RNF20: variants seen among roughly 807,000 people sequenced by gnomAD.
RNF20 encodes the protein ring finger protein 20.
Under a neutral mutation model 126.2 loss-of-function variants are expected in RNF20, and 84 were observed. The observed-to-expected ratio is 0.67, with a 90% CI of 0.56 to 0.80. The LOEUF is 0.80. Among genes scored for constraint, RNF20 ranks in the 30% least tolerant of loss-of-function variants. RNF20 has a pLI of 0.00. For synonymous variants in RNF20, 400 were observed against 414.3 expected (o/e 0.97, Z 0.42); for missense variants, 869 against 1,188.2 (o/e 0.73, Z 3.95).
At chr9:101,552,057 C>T in intron 11 of RNF20, 84 bp from the exon 12 acceptor site, 1 of 1,523,624 alleles carries the variant, frequency 6.6e-7, no homozygotes, top group Non-Finnish European at 9.0e-7. Flanking sequence ...TTTCTCAGTG[C>T]CTCCTGATGT....
Position 101,547,527 on chromosome 9 carries a change from G to T in RNF20, c.1092+9G>T. The T allele has an allele frequency of 6.2e-7, 1 of 1,613,596 alleles. No homozygotes were observed. The highest frequency in any genetic ancestry group is 8.5e-7 in the Non-Finnish European group (1 of 1,179,780). Reference sequence around the variant, plus strand: ...AAAATGAAAAGCTGAAGGTAGGAACGCATCCCTGAAGGGCAGTAAAATCAG... The same window carrying T: ...AAAATGAAAAGCTGAAGGTAGGAACTCATCCCTGAAGGGCAGTAAAATCAG... On this transcript the variant is annotated intron_variant, in intron 9 of 19. Coordinates refer to ENST00000389120, the MANE Select transcript of RNF20 (RefSeq NM_019592.7).
At position 101,563,313 on chromosome 9, in the gene RNF20, C is replaced by A. The variant is rs1350000428; in HGVS notation, c.*891C>A. ...TGTTTCTGTAGGACTTTGTTCTCCA[C>A]AAGCTTGAATTAAAGCAGGATTCAG... On this transcript the variant is annotated 3_prime_UTR_variant, in exon 20 of 20. Transcript: ENST00000389120. 1.3e-5 allele frequency: 2 copies of A among 152,638 alleles called. No homozygotes were observed. Among genetic ancestry groups the A allele is most frequent in the African/African-American group, 4.8e-5 (2 of 41,444 alleles). The allele number at this position is 152,638 out of a possible 1,614,324, so 9.5% of individuals were successfully genotyped here. A position where few individuals can be genotyped will look rare whatever the true frequency, so the allele number is the denominator to read the frequency against.
At chr9:101,544,950 C>G (rs1429027423) in intron 6 of RNF20, 65 bp downstream of exon 6, 33 of 985,424 alleles carry the variant, frequency 3.3e-5, no homozygotes, top group African/African-American at 4.8e-5. Flanking sequence ...ACTTACAATT[C>G]TGAGCACCTC....
chr9:101,557,680 G>T, intron 16 of RNF20, 84 bp downstream of exon 16: 1 of 1,101,772 alleles, frequency 9.1e-7, no homozygotes, highest in Non-Finnish European at 1.3e-6. Flanking sequence ...TGATTATTGT[G>T]GCACATTTTT....
At position 101,560,845 on chromosome 9, in the gene RNF20, G is replaced by C; in HGVS notation, c.2427G>C (p.Glu809Asp). 2 of 1,613,496 alleles carry C rather than the reference G, an allele frequency of 1.2e-6. 1 individual carries two copies. Among genetic ancestry groups the C allele is most frequent in the South Asian group, 2.2e-5 (2 of 91,058 alleles). The change falls in exon 17 of 20, where the codon GAG becomes GAC. Residue 809 changes from glutamate to aspartate, a missense_variant. By Grantham distance (45) the Glu-to-Asp change is conservative. Coordinates refer to ENST00000389120, the MANE Select transcript of RNF20 (RefSeq NM_019592.7). ...TAGTAAGGAAACTGGAAGAGAAGGA[G>C]CATCTGTTACAGAGCAACATTGGCA... ...LQVVRKLEEK[E>D]HLLQSNIGTG...
Position 101,560,752 on chromosome 9 carries a change from C to A in RNF20, c.2383-49C>A, listed in dbSNP as rs753862033. 7.8e-6 allele frequency: 12 copies of A among 1,537,724 alleles called. No homozygotes were observed. In the East Asian group the frequency reaches 2.8e-4, roughly 36 times the overall value. On this transcript the variant is annotated intron_variant, in intron 16 of 19. Coordinates refer to ENST00000389120, the MANE Select transcript of RNF20 (RefSeq NM_019592.7). ...ATAGATTAACAGAATAGTTTTTTTT[C>A]TTTTTTTAATCTTTTCATTTGTGTT...
Position 101,547,527 on chromosome 9 carries a change from G to A in RNF20, c.1092+9G>A, listed in dbSNP as rs757694214. The A allele has an allele frequency of 7.4e-6, 12 of 1,613,596 alleles. No homozygotes were observed. Among genetic ancestry groups the A allele is most frequent in the East Asian group, 6.7e-5 (3 of 44,852 alleles). ...AAAATGAAAAGCTGAAGGTAGGAAC[G>A]CATCCCTGAAGGGCAGTAAAATCAG... On this transcript the variant is annotated intron_variant, in intron 9 of 19. Transcript: ENST00000389120.
At chr9:101,544,599 T>G (rs1247624193) in intron 5 of RNF20, among the ~76,000 whole-genome samples, 168 bp from the exon 6 acceptor site, 1 of 151,654 alleles carries the variant, frequency 6.6e-6, no homozygotes, top group African/African-American at 2.4e-5. Flanking sequence ...CCAGCTACTC[T>G]GGAGGCTGAG....
chr9:101,560,696 A>G, intron 16 of RNF20, 105 bp from the exon 17 acceptor site: 1 of 1,125,058 alleles, frequency 8.9e-7, no homozygotes. Flanking sequence ...TAATAGTTTG[A>G]GATTTCTAAC....
intron 10 of RNF20, 111 bp downstream of exon 10, chr9:101,550,896 A>G (rs543023397): frequency 1.0e-6 from 1 of 997,418 alleles, no homozygotes; most frequent in Non-Finnish European, 1.6e-6. Flanking sequence ...TCATTCATAG[A>G]GTGGCAGTAG....
At position 101,536,660 on chromosome 9, in the gene RNF20, C is replaced by T. The variant is rs574254934; in HGVS notation, c.129+1108C>T. 2.6e-5 allele frequency among the ~76,000 whole-genome samples: 4 copies of T among 152,262 alleles called. No individual in the cohort carries two copies. The East Asian group carries it at 5.8e-4, about 22-fold the overall frequency. On this transcript the variant is annotated intron_variant, in intron 2 of 19. Transcript: ENST00000389120. Reference sequence around the variant, plus strand: ...ACACTATCCTTTACACTGAAGACAGCCCCTAGACTTTAGTTTGTAGGGTAG... The same window carrying T: ...ACACTATCCTTTACACTGAAGACAGTCCCTAGACTTTAGTTTGTAGGGTAG...
intron 7 of RNF20, 51 bp from the exon 8 acceptor site, chr9:101,547,086 A>G: frequency 1.2e-6 from 2 of 1,605,686 alleles, no homozygotes; most frequent in Non-Finnish European, 1.7e-6. Context: ...CATTGGTTAT[A>G]GACTGAAATC....
At chr9:101,548,128 G>A (rs773335921) in intron 9 of RNF20, among the ~76,000 whole-genome samples, 8 of 152,062 alleles carry the variant, frequency 5.3e-5, no homozygotes, top group Non-Finnish European at 1.2e-4. Context: ...TACACTGAAT[G>A]GATAAAGAAA....
intron 4 of RNF20, 48 bp downstream of exon 4, chr9:101,540,685 A>C (rs1469814056): frequency 3.7e-6 from 6 of 1,606,844 alleles, no homozygotes; most frequent in Non-Finnish European, 4.3e-6. Context: ...CTGGGTTTTT[A>C]AAGTAGAGCT....
At chr9:101,561,575 C>G in intron 18 of RNF20, 2 of 393,268 alleles carry the variant, frequency 5.1e-6, no homozygotes, top group Non-Finnish European at 4.6e-6. Context: ...TGTCTTTATC[C>G]GTAAGTCTCT....
At position 101,550,658 on chromosome 9, in the gene RNF20, G is replaced by T; in HGVS notation, c.1145G>T (p.Arg382Leu). ...EQVVKETPEY[R>L]CMQSQFSVLY... Reference sequence around the variant, plus strand: ...GTCGTTAAGGAAACTCCAGAATATCGCTGCATGCAGTCACAGTTCTCCGTC... The same window carrying T: ...GTCGTTAAGGAAACTCCAGAATATCTCTGCATGCAGTCACAGTTCTCCGTC... The change falls in exon 10 of 20, where the codon CGC becomes CTC. Residue 382 changes from arginine (R) to leucine (L), a missense_variant. This residue lies in a region of RNF20 where 153 missense variants were observed against 226.4 expected (regional missense o/e 0.68). Transcript: ENST00000389120. The T allele has an allele frequency of 1.2e-6, 2 of 1,614,082 alleles. No individual in the cohort carries two copies. The highest frequency in any genetic ancestry group is 4.5e-5 in the East Asian group (2 of 44,886).
At chr9:101,561,329 C>T (rs1416629097) in intron 18 of RNF20, 99 bp downstream of exon 18, 1 of 1,268,826 alleles carries the variant, frequency 7.9e-7, no homozygotes, top group East Asian at 2.3e-5. Flanking sequence ...TATGTCATTT[C>T]CTACTAGACT....
chr9:101,543,434 T>TCTGCCAGGGCGGCACTGTCTAACC (rs1827289531), intron 5 of RNF20, among the ~76,000 whole-genome samples: 2 of 90,946 alleles, frequency 2.2e-5, no homozygotes, highest in Non-Finnish European at 4.6e-5. Flanking sequence ...ACTGTCTAAC[T>TCTGCCAGGGCGGCACTGTCTAACC]CTGCCAGGGC....
At position 101,535,497 on chromosome 9, in the gene RNF20, T is replaced by TCCC; in HGVS notation, c.74_75insCCC (p.Val25_Glu26insPro). 6.2e-7 allele frequency: 1 copy of TCCC among 1,613,930 alleles called. No individual in the cohort carries two copies. Among genetic ancestry groups the TCCC allele is most frequent in the Non-Finnish European group, 8.5e-7 (1 of 1,179,904 alleles). On this transcript the variant is annotated inframe_insertion, in exon 2 of 20. Coordinates refer to ENST00000389120, the MANE Select transcript of RNF20 (RefSeq NM_019592.7). The stretch of plus-strand genomic sequence containing the variant: ...ATGCCTCCTGAGAAGAAGGCAGCTG[T>TCCC]TGAAGATTCAGGGACCACAGTGGAA...
Sources: gnomAD v4.1 joint callset for allele counts (sites outside exome capture counted in the v4.1 genomes callset) on GRCh38, gnomAD v4.1.1 for gene constraint, gnomAD v4.1.1 regional missense constraint, MANE v1.5 for transcripts, NCBI Gene and HGNC (gene_info 2026-07-23, HGNC 2026-07-21) for gene names.